The following DGKQ variants were observed in gnomAD, a reference collection of about 807,000 sequenced individuals.
DGKQ encodes the protein diacylglycerol kinase theta.
In DGKQ, 97 loss-of-function variants were observed where a neutral mutation model predicts 104.2. That is an observed-to-expected ratio of 0.93 (90% CI 0.79 to 1.10). The LOEUF is 1.10. Among genes scored for constraint, DGKQ ranks in the 50% least tolerant of loss-of-function variants. The pLI is 0.00. For synonymous variants in DGKQ, 736 were observed against 595.2 expected (o/e 1.24, Z -3.44); for missense variants, 1,465 against 1,352.1 (o/e 1.08, Z -1.31).
intron 2 of DGKQ, among the ~76,000 whole-genome samples, chr4:969,485 ACT>A (rs1157609525): frequency 6.6e-6 from 1 of 151,852 alleles, no homozygotes; most frequent in Non-Finnish European, 1.5e-5. Flanking sequence ...TTCACTCCTG[ACT>A]CTCGCCCTTG....
intron 22 of DGKQ, 51 bp downstream of exon 22, chr4:960,998 C>T: frequency 1.3e-6 from 2 of 1,598,170 alleles, no homozygotes; most frequent in Non-Finnish European, 1.7e-6. Flanking sequence ...ACTCCCATGG[C>T]CGGCCCAGCC....
rs756318334 is a variant in DGKQ, at chr4:961,784, T to C, written c.2366A>G (p.His789Arg). The C allele has an allele frequency of 1.7e-5, 27 of 1,610,508 alleles. No homozygotes were observed. Among genetic ancestry groups the C allele is most frequent in the Non-Finnish European group, 2.2e-5 (26 of 1,178,948 alleles). Residue 789 changes from histidine (H) to arginine (R), a missense_variant, in exon 20 of 23, where the codon CAC becomes CGC. Physicochemically the swap from His to Arg is conservative, Grantham distance 29. Coordinates refer to ENST00000273814, the MANE Select transcript of DGKQ (RefSeq NM_001347.4). ...YVRVGLQKIS[H>R]SRSLHKQIRL... ...GATCTGCTTGTGCAGGCTCCGAGAG[T>C]GACTGATCTTCTGCAGCCCCACCCG...
intron 1 of DGKQ, among the ~76,000 whole-genome samples, chr4:972,616 G>C (rs1713022675): frequency 6.6e-6 from 1 of 151,230 alleles, no homozygotes; most frequent in Admixed American, 6.5e-5. Context: ...TGGTCCCCCT[G>C]TCCCTCGCTC....
In DGKQ at chr4:973,198, G is replaced by C. The variant is rs769494952; in HGVS notation, c.271+14C>G. On this transcript the variant is annotated intron_variant, in intron 1 of 22. Transcript: ENST00000273814. Reference sequence around the variant, plus strand: ...AGGGCTGCAGCCGGGTAGGCATCGGGCCCGGGCGCTCACCGTCGCACAGGA... The same window carrying C: ...AGGGCTGCAGCCGGGTAGGCATCGGCCCCGGGCGCTCACCGTCGCACAGGA... The C allele has an allele frequency of 1.3e-6, 2 of 1,538,982 alleles. No homozygotes were observed. The highest frequency in any genetic ancestry group is 3.8e-5 in the Admixed American group (2 of 52,104).
At chr4:962,233 G>C in intron 18 of DGKQ, 151 bp from the exon 19 acceptor site, 1 of 890,148 alleles carries the variant, frequency 1.1e-6, no homozygotes, top group Non-Finnish European at 1.7e-6. Flanking sequence ...GGCAGGTCCT[G>C]GCCAGGCTCT....
In DGKQ at chr4:967,867, G is replaced by A. The variant is rs769243002; in HGVS notation, c.811+13C>T. 2.7e-6 allele frequency: 4 copies of A among 1,466,974 alleles called. No individual in the cohort carries two copies. The highest frequency in any genetic ancestry group is 1.4e-5 in the South Asian group (1 of 71,940). The allele number at this position is 1,466,974 out of a possible 1,614,324, so 90.9% of individuals were successfully genotyped here. On this transcript the variant is annotated intron_variant, in intron 6 of 22. Transcript: ENST00000273814. ...CCCCCAGCCCAGGGCGCCCCGGCCG[G>A]CCCGCACCTCACCCGGCTCCGCGGC...
At position 968,803 on chromosome 4, in the gene DGKQ, C is replaced by G; in HGVS notation, c.451+8G>C. The G allele has an allele frequency of 6.2e-7, 1 of 1,606,822 alleles. No homozygotes were observed. Among genetic ancestry groups the G allele is most frequent in the Non-Finnish European group, 8.5e-7 (1 of 1,177,182 alleles). On this transcript the variant is annotated splice_region_variant and intron_variant, in intron 3 of 22. Coordinates refer to ENST00000273814, the MANE Select transcript of DGKQ (RefSeq NM_001347.4). ...CACTGGGTGGGGAGCCAGGCAGGCTCCAGGTACCTTCGCAGTGGAGCGCCG... is the reference window on the plus strand; with the variant it reads ...CACTGGGTGGGGAGCCAGGCAGGCTGCAGGTACCTTCGCAGTGGAGCGCCG...
chr4:967,994 CG>C lies in DGKQ; in HGVS notation c.696del (p.Glu233SerfsTer68). 6.8e-7 allele frequency: 1 copy of C among 1,463,690 alleles called. No homozygotes were observed. The highest frequency in any genetic ancestry group is 9.0e-7 in the Non-Finnish European group (1 of 1,116,850). The allele number at this position is 1,463,690 out of a possible 1,614,324, so 90.7% of individuals were successfully genotyped here. On this transcript the variant is annotated frameshift_variant, in exon 6 of 23. Transcript: ENST00000273814. LOFTEE classifies it high-confidence loss of function. ...AHSLCSAALAPECGFGRLRSL... is the reference protein window; with the variant it reads ...AHSLCSAALAXECGFGRLRSL... ...GAGCGCAGACGCCCGAAGCCACACT[CG>C]GGAGCCAGCGCCGCGGAGCAGAGGG...
chr4:960,589 G>A lies in DGKQ; in HGVS notation c.*31C>T. ...AAACAAGGCTGGCGGGAGCAGAGAT[G>A]GCTCGAGCCCTTGGGCTGCCCCAGC... On this transcript the variant is annotated 3_prime_UTR_variant, in exon 23 of 23. Coordinates refer to ENST00000273814, the MANE Select transcript of DGKQ (RefSeq NM_001347.4). 1 of 1,588,990 alleles carries A rather than the reference G, an allele frequency of 6.3e-7. No individual in the cohort carries two copies. Among genetic ancestry groups the A allele is most frequent in the South Asian group, 1.1e-5 (1 of 90,562 alleles).
intron 15 of DGKQ, among the ~76,000 whole-genome samples, chr4:963,773 C>T (rs540499252): frequency 5.3e-5 from 8 of 152,178 alleles, no homozygotes; most frequent in Non-Finnish European, 8.8e-5. Context: ...CAGGGTGGCA[C>T]GCGGCGTCCC....
At chr4:962,694 C>T in intron 17 of DGKQ, 78 bp downstream of exon 17, 1 of 1,589,624 alleles carries the variant, frequency 6.3e-7, no homozygotes, top group South Asian at 1.1e-5. Flanking sequence ...CGAGGACAGC[C>T]AGCCCAGGCC....
chr4:960,674 G>A lies in DGKQ; in HGVS notation c.2775C>T (p.Thr925=), dbSNP rs781385965. Reference sequence around the variant, plus strand: ...CAGCATCCGCCCGGGCATCCCTGGTGGTCCCGGCCCTCCTCGGCTTCTGCT... The same window carrying A: ...CAGCATCCGCCCGGGCATCCCTGGTAGTCCCGGCCCTCCTCGGCTTCTGCT... ...KAKQKPRRAG[T]TRDARADAAP... Residue 925 remains threonine (T), a synonymous_variant, in exon 23 of 23, where the codon ACC becomes ACT. Transcript: ENST00000273814. The A allele has an allele frequency of 1.9e-6, 3 of 1,612,324 alleles. No homozygotes were observed. Among genetic ancestry groups the A allele is most frequent in the Non-Finnish European group, 2.5e-6 (3 of 1,179,806 alleles).
rs758899721 is a variant in DGKQ at position 968,814 on chromosome 4, C to G, written c.448G>C (p.Glu150Gln). The G allele has an allele frequency of 1.2e-6, 2 of 1,609,388 alleles. No individual in the cohort carries two copies. The highest frequency in any genetic ancestry group is 3.3e-5 in the Admixed American group (2 of 59,728). The change falls in exon 3 of 23, where the codon GAA (glutamate) becomes CAA (glutamine). Residue 150 changes from glutamate (E) to glutamine (Q), a missense_variant. Physicochemically the swap from Glu to Gln is conservative, Grantham distance 29. Coordinates refer to ENST00000273814, the MANE Select transcript of DGKQ (RefSeq NM_001347.4). ...KVLEAPALHC[E>Q]VCELHLHPDC... ...GAGCCAGGCAGGCTCCAGGTACCTT[C>G]GCAGTGGAGCGCCGGTGCCTCCAGG...
At chr4:965,365 G>A (rs1379022528) in intron 14 of DGKQ, 74 bp from the exon 15 acceptor site, 2 of 1,566,656 alleles carry the variant, frequency 1.3e-6, no homozygotes, top group South Asian at 1.1e-5. Flanking sequence ...AACCAAACCA[G>A]GACGTTTCCC....
intron 2 of DGKQ, among the ~76,000 whole-genome samples, chr4:969,203 C>G (rs1359785653): frequency 6.6e-6 from 1 of 152,056 alleles, no homozygotes; most frequent in South Asian, 2.1e-4. Context: ...GACAGCCTGG[C>G]TGGTCAAAAG....
rs1407359335 is a variant in DGKQ at position 960,462 on chromosome 4, T to C, written c.*158A>G. The C allele has an allele frequency of 9.2e-6, 6 of 649,500 alleles. No homozygotes were observed. In the African/African-American group the frequency reaches 1.1e-4, roughly 12 times the overall value. The allele number at this position is 649,500 out of a possible 1,614,324, so 40.2% of individuals were successfully genotyped here. On this transcript the variant is annotated 3_prime_UTR_variant, in exon 23 of 23. Transcript: ENST00000273814. The stretch of plus-strand genomic sequence containing the variant: ...GTGTCACCAATGGGATGAGGGCGGG[T>C]CCCGCTCCGTCACTGGGAAGATGCT...
intron 8 of DGKQ, 81 bp from the exon 9 acceptor site, chr4:967,442 C>T: frequency 7.3e-7 from 1 of 1,368,588 alleles, no homozygotes; most frequent in Non-Finnish European, 1.0e-6. Flanking sequence ...GAGGGGGAGG[C>T]CAGGTGGGTG....
rs773236596 is a variant in DGKQ at position 966,751 on chromosome 4, G to A, written c.1363C>T (p.His455Tyr). Residue 455 changes from histidine (H) to tyrosine (Y), a missense_variant, in exon 11 of 23, where the codon CAC (histidine) becomes TAC (tyrosine). Transcript: ENST00000273814. ...QLVEVAMGCR[H>Y]VQRTMLMDEQ... ...CCAGCACGGGCTGTCTACTCACCGT[G>A]CCTGCAGCCCATCGCCACCTCCACC... is the stretch of plus-strand genomic sequence containing the variant. The A allele has an allele frequency of 1.9e-6, 3 of 1,607,808 alleles. No individual in the cohort carries two copies. The highest frequency in any genetic ancestry group is 1.7e-6 in the Non-Finnish European group (2 of 1,177,732).
intron 1 of DGKQ, among the ~76,000 whole-genome samples, chr4:972,850 C>T (rs1043889654): frequency 6.6e-6 from 1 of 152,228 alleles, no homozygotes; most frequent in Admixed American, 6.5e-5. Context: ...ATGAGAAGGG[C>T]TAGGGCCAGG....
Sources: allele counts gnomAD v4.1 joint callset (sites outside exome capture counted in the v4.1 genomes callset), GRCh38; gene constraint gnomAD v4.1.1; transcripts MANE v1.5; gene names NCBI Gene and HGNC (gene_info 2026-07-23, HGNC 2026-07-21).